The following SYNE2 variants were observed in gnomAD, a reference collection of about 807,000 sequenced individuals.
The protein encoded by SYNE2 is spectrin repeat containing nuclear envelope protein 2, also known as nesprin-2.
Under a neutral mutation model 856.3 loss-of-function variants are expected in SYNE2, and 431 were observed. The ratio of observed to expected loss-of-function variants is 0.50; its 90% CI spans 0.47 to 0.55. SYNE2 has a LOEUF of 0.55. SYNE2 is among the 20% of genes least tolerant of loss of function. The pLI, the probability that SYNE2 is intolerant of heterozygous loss-of-function variation, is 0.00. For missense variants in SYNE2, 8,129 were observed against 8,023.2 expected (o/e 1.01, Z -0.50); for synonymous variants, 2,923 against 2,872.3 (o/e 1.02, Z -0.56).
At chr14:63,896,987 C>T (rs970498495) in intron 1 of SYNE2, among the ~76,000 whole-genome samples, 2 of 152,146 alleles carry the variant, frequency 1.3e-5, no homozygotes, top group African/African-American at 4.8e-5. Context: ...CGCAGTGGCT[C>T]ACACCTGTAA....
chr14:64,125,003 G>A (rs1404245491), intron 70 of SYNE2, 76 bp from the exon 71 acceptor site: 95 of 1,582,104 alleles, frequency 6.0e-5, no homozygotes, highest in Non-Finnish European at 7.4e-5. Flanking sequence ...ACTCCATCTC[G>A]AAAATAAAAA....
chr14:63,817,306 A>G (rs1302234175), intron 1 of SYNE2, among the ~76,000 whole-genome samples: 1 of 152,008 alleles, frequency 6.6e-6, no homozygotes, highest in Non-Finnish European at 1.5e-5. Context: ...ACAAAAAAAC[A>G]CACACACAAA....
intron 1 of SYNE2, among the ~76,000 whole-genome samples, chr14:63,815,813 A>G (rs1474699415): frequency 6.6e-6 from 1 of 152,132 alleles, no homozygotes; most frequent in Non-Finnish European, 1.5e-5. Flanking sequence ...TCAAATTACA[A>G]GATATGCTTC....
intron 2 of SYNE2, among the ~76,000 whole-genome samples, chr14:63,909,526 T>C (rs1216807145): frequency 2.0e-5 from 3 of 152,126 alleles, no homozygotes; most frequent in African/African-American, 4.8e-5. Context: ...TTACTTCTTA[T>C]CTTTTTGTGT....
intron 64 of SYNE2, among the ~76,000 whole-genome samples, chr14:64,106,965 G>A (rs2153649464): frequency 6.6e-6 from 1 of 152,082 alleles, no homozygotes; most frequent in Non-Finnish European, 1.5e-5. Context: ...TTCCTAAATG[G>A]AATAAATTCA....
intron 23 of SYNE2, 67 bp downstream of exon 23, chr14:63,995,269 A>C: frequency 7.1e-7 from 1 of 1,399,076 alleles, no homozygotes; most frequent in Non-Finnish European, 1.0e-6. Context: ...GGTTGTGTGT[A>C]TCTTTAGCCT....
At chr14:63,858,105 TTTTTA>T (rs1892359262) in intron 1 of SYNE2, among the ~76,000 whole-genome samples, 2 of 151,510 alleles carry the variant, frequency 1.3e-5, no homozygotes, top group African/African-American at 4.8e-5. Context: ...TGTTTTATTA[TTTTTA>T]TTTTATTATT....
intron 16 of SYNE2, 136 bp downstream of exon 16, chr14:63,981,309 A>G: frequency 1.3e-6 from 1 of 778,280 alleles, no homozygotes; most frequent in Non-Finnish European, 2.1e-6. Flanking sequence ...GGTCTTGGAA[A>G]GAATTTAGTT....
intron 99 of SYNE2, among the ~76,000 whole-genome samples, chr14:64,194,459 G>C (rs1453810903): frequency 6.6e-6 from 1 of 152,064 alleles, no homozygotes; most frequent in Non-Finnish European, 1.5e-5. Flanking sequence ...TGCCCGGATA[G>C]TTGTTTGCTT....
In SYNE2 at chr14:64,027,560, C is replaced by A. The variant is rs10151127; in HGVS notation, c.6481C>A (p.Leu2161Ile). The change falls in exon 43 of 116, where the codon CTA (leucine) becomes ATA (isoleucine). Residue 2161 changes from leucine (L) to isoleucine (I), a missense_variant. This residue lies in a region of SYNE2 where 297 missense variants were observed against 380.9 expected (regional missense o/e 0.78). Transcript: ENST00000555002. ...GGATCTGAGATTAATGCTCATAGAA[C>A]TAAAGAAGAAACAGGAAGCAGGCTT... Reference protein sequence around the residue: ...KEDLRLMLIELKKKQEAGFAL... With the variant: ...KEDLRLMLIEIKKKQEAGFAL... 12 of 1,612,644 alleles carry A rather than the reference C, an allele frequency of 7.4e-6. No homozygotes were observed. The highest frequency in any genetic ancestry group is 8.5e-6 in the Non-Finnish European group (10 of 1,179,168).
intron 1 of SYNE2, among the ~76,000 whole-genome samples, chr14:63,785,616 T>C (rs1887493072): frequency 2.0e-5 from 3 of 152,206 alleles, no homozygotes; most frequent in Admixed American, 2.0e-4. Context: ...GGAATTGGCA[T>C]GATCCAAAAA....
rs142507750 is a variant in SYNE2, at chr14:63,963,186, G to A, written c.889-713G>A. ...AAGCTGAGATGCAGGCTTATAATTC[G>A]GTTCACTTATTTCTGGCCTGCTGAG... On this transcript the variant is annotated intron_variant, in intron 9 of 115. Coordinates refer to ENST00000555002, the MANE Select transcript of SYNE2 (RefSeq NM_182914.3). 7.6e-4 allele frequency among the ~76,000 whole-genome samples: 115 copies of A among 152,062 alleles called. 1 individual carries two copies. The East Asian group carries it at 0.022, about 29-fold the overall frequency.
At chr14:64,185,519 C>CTTTTTTT (rs66490444) in intron 96 of SYNE2, among the ~76,000 whole-genome samples, 21 of 77,452 alleles carry the variant, frequency 2.7e-4, no homozygotes, top group South Asian at 4.9e-4. Flanking sequence ...TTTTCTTTTT[C>CTTTTTTT]TTTTTTTTTT....
chr14:63,791,169 C>G (rs1030920881), intron 1 of SYNE2, among the ~76,000 whole-genome samples: 2 of 151,964 alleles, frequency 1.3e-5, no homozygotes, highest in African/African-American at 4.8e-5. Context: ...ACCATGTTGT[C>G]CAGGCTGGTC....
At chr14:63,939,644 G>A (rs1007360323) in intron 2 of SYNE2, among the ~76,000 whole-genome samples, 11 of 152,218 alleles carry the variant, frequency 7.2e-5, no homozygotes, top group African/African-American at 9.6e-5. Context: ...CACCACATCC[G>A]ACCCCTACCT....
intron 1 of SYNE2, chr14:63,762,065 C>T: frequency 2.0e-6 from 1 of 496,738 alleles, no homozygotes; most frequent in Non-Finnish European, 4.1e-6. Flanking sequence ...GGAAAGTCTG[C>T]TTTGACTGTA....
intron 1 of SYNE2, among the ~76,000 whole-genome samples, chr14:63,786,768 T>TA (rs35006169): frequency 0.062 from 9,448 of 152,234 alleles, 322 homozygotes; most frequent in Admixed American, 0.1. Context: ...TCTCTCTTTT[T>TA]AAAAAAAGTT....
intron 1 of SYNE2, among the ~76,000 whole-genome samples, chr14:63,763,233 G>T (rs1268801869): frequency 6.6e-6 from 1 of 152,190 alleles, no homozygotes; most frequent in African/African-American, 2.4e-5. Context: ...CTCCCAAAGT[G>T]CTGGGATTAT....
intron 26 of SYNE2, 102 bp downstream of exon 26, chr14:63,998,430 T>A (rs1769729886): frequency 2.6e-6 from 2 of 772,558 alleles, no homozygotes; most frequent in Non-Finnish European, 4.5e-6. Flanking sequence ...AGTCGTCATT[T>A]TGCATATGAT....
Sources: allele counts gnomAD v4.1 joint callset (sites outside exome capture counted in the v4.1 genomes callset), GRCh38; gene constraint gnomAD v4.1.1; regional missense constraint gnomAD v4.1.1; transcripts MANE v1.5; gene names NCBI Gene and HGNC (gene_info 2026-07-23, HGNC 2026-07-21).